The following SORCS3 variants were observed in gnomAD, a reference collection of about 807,000 sequenced individuals.
SORCS3 encodes VPS10 domain-containing receptor SorCS3.
A neutral mutation model predicts 146.3 loss-of-function variants in SORCS3; 57 were observed. That is an observed-to-expected ratio of 0.39 (90% confidence interval 0.31 to 0.49). The LOEUF (loss-of-function observed/expected upper bound fraction) is 0.49, where lower values mean the gene tolerates loss of function less well. Ranked by LOEUF, SORCS3 falls within the 20% of genes least tolerant of loss-of-function variation. The pLI is 0.92. For missense variants in SORCS3, 1,341 were observed against 1,575.5 expected, an observed-to-expected ratio of 0.85 and a Z score of 2.52; for synonymous variants, 653 against 618.5, an observed-to-expected ratio of 1.06 and a Z score of -0.83.
At chr10:104,815,611 TTGTGCACATGGGAAATGCACCCA>T (rs1178431012) in intron 1 of SORCS3, among the ~76,000 whole-genome samples, 5 of 152,164 alleles carry the variant, frequency 3.3e-5, no homozygotes, top group African/African-American at 4.8e-5. Context: ...CCATATACTT[TTGTGCACATGGGAAATGCACCCA>T]TGTGCATTTC....
At chr10:105,078,605 C>T (rs2055603794) in intron 5 of SORCS3, among the ~76,000 whole-genome samples, 1 of 152,072 alleles carries the variant, frequency 6.6e-6, no homozygotes, top group African/African-American at 2.4e-5. Flanking sequence ...ATTCTTGGTA[C>T]GTTAAAGGTG....
chr10:104,730,275 A>G (rs2016690987), intron 1 of SORCS3, among the ~76,000 whole-genome samples: 1 of 152,160 alleles, frequency 6.6e-6, no homozygotes. Flanking sequence ...CATTTTACAG[A>G]TTAGGAAACT....
chr10:105,242,791 T>C (rs1316406152), intron 20 of SORCS3, among the ~76,000 whole-genome samples: 1 of 104,936 alleles, frequency 9.5e-6, no homozygotes, highest in Non-Finnish European at 1.7e-5. Flanking sequence ...TATATTTATA[T>C]ACATTTATAT....
At chr10:104,643,745 T>TGTGTGTGG (rs1554841272) in intron 1 of SORCS3, among the ~76,000 whole-genome samples, 1 of 147,580 alleles carries the variant, frequency 6.8e-6, no homozygotes, top group Non-Finnish European at 1.5e-5. Context: ...TGTGTGTGTG[T>TGTGTGTGG]TGGGGTTCTT....
chr10:105,041,213 C>A (rs1305616524), intron 4 of SORCS3, among the ~76,000 whole-genome samples: 2 of 148,676 alleles, frequency 1.3e-5, no homozygotes, highest in African/African-American at 2.4e-5. Context: ...GGCACTCAAC[C>A]AGCAGAATCT....
At chr10:104,713,469 C>T (rs1445589906) in intron 1 of SORCS3, among the ~76,000 whole-genome samples, 1 of 152,108 alleles carries the variant, frequency 6.6e-6, no homozygotes, top group African/African-American at 2.4e-5. Flanking sequence ...AGGAAGTTCC[C>T]CTCTGTTTCT....
intron 1 of SORCS3, among the ~76,000 whole-genome samples, chr10:104,648,384 A>G (rs1194673980): frequency 1.3e-5 from 2 of 151,982 alleles, no homozygotes; most frequent in Non-Finnish European, 2.9e-5. Context: ...TTAACAGAGC[A>G]TTTTCCTTCT....
At chr10:104,965,414 T>G (rs1357803775) in intron 3 of SORCS3, among the ~76,000 whole-genome samples, 1 of 152,192 alleles carries the variant, frequency 6.6e-6, no homozygotes, top group Non-Finnish European at 1.5e-5. Flanking sequence ...AGCTGGACAC[T>G]TTCACTTTTG....
At chr10:105,048,818 G>A (rs369500075) in intron 5 of SORCS3, among the ~76,000 whole-genome samples, 67 of 152,032 alleles carry the variant, frequency 4.4e-4, no homozygotes, top group African/African-American at 1.6e-3. Flanking sequence ...TCTTTTATAT[G>A]TAGCCTAAAT....
At chr10:104,893,757 C>G (rs2018771902) in intron 2 of SORCS3, among the ~76,000 whole-genome samples, 1 of 152,192 alleles carries the variant, frequency 6.6e-6, no homozygotes, top group Admixed American at 6.5e-5. Context: ...GCGAAGTGAA[C>G]AGCTCCTTGC....
intron 9 of SORCS3, among the ~76,000 whole-genome samples, chr10:105,155,828 A>G (rs1440306991): frequency 6.6e-6 from 1 of 152,158 alleles, no homozygotes; most frequent in East Asian, 1.9e-4. Context: ...GCCCTTTGTC[A>G]AATTCCCCTG....
At chr10:104,867,531 G>C (rs368416104) in intron 2 of SORCS3, among the ~76,000 whole-genome samples, 8 of 152,078 alleles carry the variant, frequency 5.3e-5, no homozygotes, top group Middle Eastern at 3.4e-3. Flanking sequence ...GGATGGTCTC[G>C]ATCTCCTGAC....
At chr10:105,173,316 C>T (rs1181346202) in intron 13 of SORCS3, among the ~76,000 whole-genome samples, 1 of 151,914 alleles carries the variant, frequency 6.6e-6, no homozygotes, top group East Asian at 1.9e-4. Context: ...GTCTCAAAAA[C>T]ACAAAAAAAC....
chr10:105,003,543 G>A (rs2055073990), intron 4 of SORCS3, among the ~76,000 whole-genome samples: 2 of 152,260 alleles, frequency 1.3e-5, no homozygotes, highest in South Asian at 4.1e-4. Flanking sequence ...GCAATTCGAA[G>A]TTATGTATAA....
In SORCS3 at chr10:104,951,721, A is replaced by G. The variant is rs550723795; in HGVS notation, c.796-25614A>G. ...ACAGGTGGCAAGACAAAGAGGCCCA[A>G]TGCAGTTTCATGATTATTTTGAACC... On this transcript the variant is annotated intron_variant, in intron 3 of 26. Coordinates refer to ENST00000369701, the MANE Select transcript of SORCS3 (RefSeq NM_014978.3). 2.4e-4 allele frequency among the ~76,000 whole-genome samples: 37 copies of G among 152,254 alleles called. No homozygotes were observed. In the South Asian group the frequency reaches 3.7e-3, roughly 15 times the overall value.
At chr10:104,891,478 C>G (rs1449211921) in intron 2 of SORCS3, among the ~76,000 whole-genome samples, 1 of 152,122 alleles carries the variant, frequency 6.6e-6, no homozygotes, top group Admixed American at 6.6e-5. Context: ...TCAGGGAGAT[C>G]ACTGGGCTTC....
chr10:104,692,012 C>A (rs536088825), intron 1 of SORCS3, among the ~76,000 whole-genome samples: 71 of 152,192 alleles, frequency 4.7e-4, no homozygotes, highest in Admixed American at 2.4e-3. Flanking sequence ...TTTTACCCTG[C>A]AATGTGGACA....
intron 1 of SORCS3, among the ~76,000 whole-genome samples, chr10:104,645,375 T>C (rs572871367): frequency 6.6e-6 from 1 of 152,282 alleles, no homozygotes; most frequent in East Asian, 1.9e-4. Flanking sequence ...CCCTGCTTGC[T>C]CAGTGAGTTG....
intron 5 of SORCS3, among the ~76,000 whole-genome samples, chr10:105,083,254 T>C (rs905127922): frequency 8.5e-5 from 13 of 152,200 alleles, no homozygotes; most frequent in African/African-American, 1.2e-4. Context: ...CTAGAAACTT[T>C]CTAGGAGTTT....
Sources: allele counts gnomAD v4.1 joint callset (sites outside exome capture counted in the v4.1 genomes callset), GRCh38; gene constraint gnomAD v4.1.1; transcripts MANE v1.5; gene names NCBI Gene and HGNC (gene_info 2026-07-23, HGNC 2026-07-21).